KCNMB2: variants seen among roughly 807,000 people sequenced by gnomAD.
KCNMB2 encodes the protein calcium-activated potassium channel subunit beta-2.
Under a neutral mutation model 24.5 loss-of-function variants are expected in KCNMB2, and 9 were observed. The observed-to-expected ratio is 0.37, with a 90% CI of 0.22 to 0.64. The LOEUF is 0.64. KCNMB2 is among the 30% of genes least tolerant of loss of function. The pLI is 0.63. For missense variants in KCNMB2, 226 were observed against 284.3 expected, an observed-to-expected ratio of 0.79 and a Z score of 1.47; for synonymous variants, 109 against 104.4, an observed-to-expected ratio of 1.04 and a Z score of -0.27.
intron 1 of KCNMB2, among the ~76,000 whole-genome samples, chr3:178,698,100 C>T (rs939308428): frequency 3.3e-5 from 5 of 152,054 alleles, no homozygotes; most frequent in Non-Finnish European, 2.9e-5. Flanking sequence ...TGTGAAGTAG[C>T]TTACTGGGGT....
chr3:178,643,129 T>G (rs1719785781), intron 1 of KCNMB2, among the ~76,000 whole-genome samples: 1 of 152,178 alleles, frequency 6.6e-6, no homozygotes, highest in Non-Finnish European at 1.5e-5. Context: ...CTCAAGGAAA[T>G]TATGCCAAAT....
Position 178,579,112 on chromosome 3 carries a change from A to G in KCNMB2, c.-68+42401A>G, listed in dbSNP as rs149479717. ...CAACATGCTTATTCTAAAATTGACC[A>G]CATAATTGGAAGTAAAACACTCCTC... is the stretch of plus-strand genomic sequence containing the variant. On this transcript the variant is annotated intron_variant, in intron 1 of 4. Coordinates refer to ENST00000452583, the MANE Select transcript of KCNMB2 (RefSeq NM_181361.3). Among the ~76,000 whole-genome samples, 1,071 of 152,306 alleles carry G rather than the reference A, an allele frequency of 7.0e-3. 12 individuals carry two copies. Among genetic ancestry groups the G allele is most frequent in the African/African-American group, 0.025 (1,041 of 41,566 alleles).
intron 1 of KCNMB2, among the ~76,000 whole-genome samples, chr3:178,772,517 A>T (rs1712415960): frequency 6.6e-6 from 1 of 152,144 alleles, no homozygotes; most frequent in Non-Finnish European, 1.5e-5. Flanking sequence ...ACCATGTGAG[A>T]CGTGTCTTTC....
chr3:178,574,921 A>G (rs1448993654), intron 1 of KCNMB2, among the ~76,000 whole-genome samples: 2 of 152,096 alleles, frequency 1.3e-5, no homozygotes. Flanking sequence ...TGCAAAAACT[A>G]GCCAGGCATG....
intron 1 of KCNMB2, among the ~76,000 whole-genome samples, chr3:178,771,858 A>G (rs1712381977): frequency 1.3e-5 from 2 of 152,020 alleles, no homozygotes; most frequent in Non-Finnish European, 2.9e-5. Context: ...TCATGGACAG[A>G]TTCCTTATCT....
chr3:178,603,967 A>C (rs955704812), intron 1 of KCNMB2, among the ~76,000 whole-genome samples: 5 of 152,084 alleles, frequency 3.3e-5, no homozygotes, highest in Non-Finnish European at 7.4e-5. Context: ...CACTGAGGAG[A>C]CACAGAACCA....
chr3:178,717,826 A>G (rs1306712009), intron 1 of KCNMB2, among the ~76,000 whole-genome samples: 2 of 152,062 alleles, frequency 1.3e-5, no homozygotes, highest in African/African-American at 2.4e-5. Context: ...GACAAAGCAG[A>G]TAAGTTATGG....
At chr3:178,550,457 CAAAAAAAAAAAAAAAAA>C (rs71671909) in intron 1 of KCNMB2, among the ~76,000 whole-genome samples, 1 of 46,020 alleles carries the variant, frequency 2.2e-5, no homozygotes. Flanking sequence ...GACTCCGTCT[CAAAAAAAAAAAAAAAAA>C]AAAAAAAAGA....
intron 1 of KCNMB2, among the ~76,000 whole-genome samples, chr3:178,587,619 T>G (rs1717494552): frequency 7.0e-6 from 1 of 142,492 alleles, no homozygotes; most frequent in African/African-American, 2.6e-5. Flanking sequence ...TTTTTTTTTG[T>G]ATTTTTAGTA....
rs551444413 is a variant in KCNMB2, at chr3:178,557,835, A to G, written c.-68+21124A>G. 7.8e-4 allele frequency among the ~76,000 whole-genome samples: 119 copies of G among 152,306 alleles called. 1 individual carries two copies. The highest frequency in any genetic ancestry group is 1.6e-3 in the Non-Finnish European group (106 of 68,032). ...CTCACCCACCATTTAAATTATGAGT[A>G]AACTAGGGTTCAGAGACATTCTGTG... On this transcript the variant is annotated intron_variant, in intron 1 of 4. Coordinates refer to ENST00000452583, the MANE Select transcript of KCNMB2 (RefSeq NM_181361.3).
At chr3:178,620,365 T>C (rs894511933) in intron 1 of KCNMB2, among the ~76,000 whole-genome samples, 1 of 152,174 alleles carries the variant, frequency 6.6e-6, no homozygotes, top group Non-Finnish European at 1.5e-5. Context: ...GAAAAAGTTA[T>C]ATACAGGAAA....
chr3:178,722,726 C>G (rs754858322), intron 1 of KCNMB2, among the ~76,000 whole-genome samples: 37 of 152,098 alleles, frequency 2.4e-4, no homozygotes, highest in Admixed American at 1.4e-3. Context: ...AACCTCGTCT[C>G]TACAAAAAAT....
chr3:178,794,599 T>C (rs942756718), intron 1 of KCNMB2, among the ~76,000 whole-genome samples: 1 of 152,148 alleles, frequency 6.6e-6, no homozygotes, highest in African/African-American at 2.4e-5. Flanking sequence ...AGCCAGTGCA[T>C]AGGATGATAG....
chr3:178,590,288 T>G (rs1251000698), intron 1 of KCNMB2, among the ~76,000 whole-genome samples: 1 of 152,204 alleles, frequency 6.6e-6, no homozygotes, highest in East Asian at 1.9e-4. Flanking sequence ...CAATTTTATC[T>G]GTACATTTTT....
At chr3:178,800,753 T>C (rs1417982312) in intron 1 of KCNMB2, among the ~76,000 whole-genome samples, 1 of 152,126 alleles carries the variant, frequency 6.6e-6, no homozygotes, top group Non-Finnish European at 1.5e-5. Flanking sequence ...CTATTCACAA[T>C]AGCCAAGATT....
intron 1 of KCNMB2, among the ~76,000 whole-genome samples, chr3:178,702,009 A>G (rs550588745): frequency 8.5e-5 from 13 of 152,246 alleles, no homozygotes; most frequent in African/African-American, 3.1e-4. Context: ...ACTACTCACA[A>G]TAGCAAAGAC....
chr3:178,562,782 G>C (rs1224444810), intron 1 of KCNMB2, among the ~76,000 whole-genome samples: 1 of 152,190 alleles, frequency 6.6e-6, no homozygotes, highest in Non-Finnish European at 1.5e-5. Flanking sequence ...TCTAGGTTCA[G>C]TTCTGAATAT....
At chr3:178,716,426 A>C (rs13100175) in intron 1 of KCNMB2, among the ~76,000 whole-genome samples, 21,845 of 150,608 alleles carry the variant, frequency 0.15, 1,731 homozygotes, top group Middle Eastern at 0.24. Flanking sequence ...AGGTGGAGCC[A>C]GAACTAAAAC....
chr3:178,698,309 C>G (rs6443562), intron 1 of KCNMB2, among the ~76,000 whole-genome samples: 50,063 of 151,852 alleles, frequency 0.33, 9,000 homozygotes, highest in African/African-American at 0.48. Context: ...TGGAGGTTTT[C>G]TTCATTCTTT....
Sources: gnomAD v4.1 joint callset for allele counts (sites outside exome capture counted in the v4.1 genomes callset) on GRCh38, gnomAD v4.1.1 for gene constraint, MANE v1.5 for transcripts, NCBI Gene and HGNC (gene_info 2026-07-23, HGNC 2026-07-21) for gene names.